The following CCDC188 variants were observed in gnomAD, a reference collection of about 807,000 sequenced individuals.
The protein encoded by CCDC188 is coiled-coil domain containing 188.
CCDC188 carries 37 observed loss-of-function variants against 50.7 expected under a neutral mutation model. That is an observed-to-expected ratio of 0.73 (90% CI 0.56 to 0.96). The LOEUF is 0.96. CCDC188 is among the 40% of genes least tolerant of loss of function. The probability of loss-of-function intolerance (pLI) is 0.00; values close to 1 mark genes in which losing one functional copy is unlikely to be tolerated. For missense variants in CCDC188, 453 were observed against 512.9 expected (o/e 0.88, Z 1.13); for synonymous variants, 208 against 228.0 (o/e 0.91, Z 0.79).
chr22:20,150,513 A>G lies in CCDC188; in HGVS notation c.474T>C (p.Ser158=). ...LSQLQCGLLG[S]AEQSFLQLEQ... Reference sequence around the variant, plus strand: ...CCAGCTGCAGGAAGGACTGTTCTGCAGAGCCCAGCAGCCCGCACTGAAGCT... The same window carrying G: ...CCAGCTGCAGGAAGGACTGTTCTGCGGAGCCCAGCAGCCCGCACTGAAGCT... The change falls in exon 1 of 9, where the codon TCT becomes TCC. Residue 158 remains serine, a synonymous_variant. Transcript: ENST00000439765. 1 of 1,548,984 alleles carries G rather than the reference A, an allele frequency of 6.5e-7. No homozygotes were observed. Among genetic ancestry groups the G allele is most frequent in the Non-Finnish European group, 8.7e-7 (1 of 1,146,644 alleles).
At position 20,150,450 on chromosome 22, in the gene CCDC188, G is replaced by C; in HGVS notation, c.519+18C>G. The stretch of plus-strand genomic sequence containing the variant: ...GTGGGGCTGGGGCTGGGGCTGGGGC[G>C]GTGGGTGGGGTGCTCACCAGGCTGT... On this transcript the variant is annotated intron_variant, in intron 1 of 8. Transcript: ENST00000439765. 1 of 1,281,912 alleles carries C rather than the reference G, an allele frequency of 7.8e-7. No homozygotes were observed. Among genetic ancestry groups the C allele is most frequent in the South Asian group, 1.4e-5 (1 of 71,692 alleles). 79.4% of individuals were successfully genotyped at this position (1,281,912 alleles called of 1,614,324 possible).
chr22:20,149,120 C>T lies in CCDC188; in HGVS notation c.972+67G>A, dbSNP rs1602583143. The T allele has an allele frequency of 2.2e-6, 3 of 1,356,868 alleles. No individual in the cohort carries two copies. In the East Asian group the frequency reaches 7.6e-5, roughly 34 times the overall value. 84.1% of individuals were successfully genotyped at this position (1,356,868 alleles called of 1,614,324 possible). ...GCCCTCCTGGAGCCCATTTCTCCCT[C>T]TCGCCCAAGCAGGGCCCTGGGTGGG... On this transcript the variant is annotated intron_variant, in intron 7 of 8. Transcript: ENST00000439765.
In CCDC188 at chr22:20,149,404, C is replaced by T. The variant is rs1461000068; in HGVS notation, c.914+8G>A. 72 of 1,550,058 alleles carry T rather than the reference C, an allele frequency of 4.6e-5. No homozygotes were observed. The highest frequency in any genetic ancestry group is 3.3e-4 in the Middle Eastern group (2 of 6,016). ...GCTCAGCTGGCCCGGCCCCTGCCCC[C>T]GTGTTACCTGAGAATCTCCAGCTGG... On this transcript the variant is annotated splice_region_variant and intron_variant, in intron 6 of 8. Transcript: ENST00000439765.
At chr22:20,148,977 A>G (rs1313365223) in intron 7 of CCDC188, 53 bp from the exon 8 acceptor site, 5 of 1,441,390 alleles carry the variant, frequency 3.5e-6, no homozygotes, top group Non-Finnish European at 4.6e-6. Flanking sequence ...GGCTGAGGGC[A>G]GGGATCCCTG....
rs1468439768 is a variant in CCDC188, at chr22:20,150,747, GGACAGAAA to G, written c.232_239del (p.Phe78GlnfsTer10). The G allele has an allele frequency of 6.5e-7, 1 of 1,550,100 alleles. No individual in the cohort carries two copies. The highest frequency in any genetic ancestry group is 2.4e-5 in the East Asian group (1 of 40,926). On this transcript the variant is annotated frameshift_variant, in exon 1 of 9. Coordinates refer to ENST00000439765, the MANE Select transcript of CCDC188 (RefSeq NM_001365892.2). LOFTEE classifies it high-confidence loss of function. ...TGTCTCTCGCTCTCTGCTCCTGGCTGGACAGAAAGAGCCCGGGAGCCTCGCCCTCCACT... is the reference window on the plus strand; with the variant it reads ...TGTCTCTCGCTCTCTGCTCCTGGCTGGAGCCCGGGAGCCTCGCCCTCCACT...
Position 20,149,998 on chromosome 22 carries a change from C to T in CCDC188, c.689G>A (p.Arg230Gln), listed in dbSNP as rs755280015. The change falls in exon 3 of 9, where the codon CGG (arginine) becomes CAG (glutamine). Residue 230 changes from arginine (R) to glutamine (Q), a missense_variant. Transcript: ENST00000439765. ...AGCCTCTTGCCCCTGGCACAGCTCC[C>T]GCCGCAGCAGCTGCAGAGGTGCCCT... The part of the protein sequence containing the change: ...GNRAPLQLLR[R>Q]ELCQGQEAFV... 3.7e-5 allele frequency: 58 copies of T among 1,548,242 alleles called. 1 individual carries two copies. In the Middle Eastern group the frequency reaches 2.3e-3, roughly 62 times the overall value.
At chr22:20,150,339 G>GGGGGGC (rs2050602027) in intron 1 of CCDC188, 89 bp from the exon 2 acceptor site, 2 of 967,902 alleles carry the variant, frequency 2.1e-6, no homozygotes, top group African/African-American at 1.7e-5. Flanking sequence ...CAGGTGGTGG[G>GGGGGGC]TGGGGCTGGG....
intron 3 of CCDC188, 23 bp from the exon 4 acceptor site, chr22:20,149,803 G>T (rs1294682336): frequency 2.0e-6 from 3 of 1,494,674 alleles, no homozygotes; most frequent in Non-Finnish European, 2.7e-6. Context: ...CCCAGGATGG[G>T]CTTGGGCAGC....
Position 20,150,632 on chromosome 22 carries a change from C to A in CCDC188, c.355G>T (p.Gly119Trp). 6.5e-7 allele frequency: 1 copy of A among 1,543,522 alleles called. No homozygotes were observed. Among genetic ancestry groups the A allele is most frequent in the Non-Finnish European group, 8.8e-7 (1 of 1,141,868 alleles). ...CTGGTCCCTGAGCCAATGGATCCCCCCTGCCTGGGAGCCCCCTGGTTCGAC... is the reference window on the plus strand; with the variant it reads ...CTGGTCCCTGAGCCAATGGATCCCCACTGCCTGGGAGCCCCCTGGTTCGAC... The part of the protein sequence containing the change: ...PGSNQGAPRQ[G>W]GSIGSGTRPC... The change falls in exon 1 of 9, where the codon GGG (glycine) becomes TGG (tryptophan). Residue 119 changes from glycine (G) to tryptophan (W), a missense_variant. Transcript: ENST00000439765.
intron 6 of CCDC188, 36 bp from the exon 7 acceptor site, chr22:20,149,280 C>T (rs995709526): frequency 1.3e-6 from 2 of 1,527,356 alleles, no homozygotes; most frequent in Non-Finnish European, 1.8e-6. Context: ...CCACACCCTC[C>T]ACCCCCAGCC....
rs2050565669 is a variant in CCDC188 at position 20,148,908 on chromosome 22, A to G, written c.989T>C (p.Leu330Pro). Residue 330 changes from leucine to proline, a missense_variant, in exon 8 of 9, where the codon CTG (leucine) becomes CCG (proline). Leu to Pro is a moderately conservative substitution (Grantham distance 98). Coordinates refer to ENST00000439765, the MANE Select transcript of CCDC188 (RefSeq NM_001365892.2). ...GCCTGCCAGGCCCTTGGAGCTTCCC[A>G]GCTTTGGCCTCCCTTTCTGTCGGGG... ...MASMSKGRPK[L>P]GSSKGLAGQL... The G allele has an allele frequency of 3.3e-6, 5 of 1,514,646 alleles. No homozygotes were observed. Among genetic ancestry groups the G allele is most frequent in the Non-Finnish European group, 3.5e-6 (4 of 1,128,702 alleles). The allele number at this position is 1,514,646 out of a possible 1,614,324, so 93.8% of individuals were successfully genotyped here.
In CCDC188 at chr22:20,150,297, T is replaced by TGGG. The variant is rs2050600966; in HGVS notation, c.520-48_520-47insCCC. ...GGGGGCTGCCTGTCATGGCCGCTCC[T>TGGG]GCGGCTGGGGCTGGGGCAGGGGCAG... On this transcript the variant is annotated intron_variant, in intron 1 of 8. Transcript: ENST00000439765. 8.5e-6 allele frequency: 9 copies of TGGG among 1,064,230 alleles called. 1 individual carries two copies. The highest frequency in any genetic ancestry group is 1.5e-5 in the South Asian group (1 of 67,146). 65.9% of individuals were successfully genotyped at this position (1,064,230 alleles called of 1,614,324 possible). A position where few individuals can be genotyped will look rare whatever the true frequency, so the allele number is the denominator to read the frequency against.
rs1335417904 is a variant in CCDC188, at chr22:20,149,188, G to A, written c.971C>T (p.Ser324Leu). The A allele has an allele frequency of 4.1e-6, 6 of 1,467,336 alleles. No homozygotes were observed. Among genetic ancestry groups the A allele is most frequent in the South Asian group, 2.9e-5 (2 of 70,170 alleles). 90.9% of individuals were successfully genotyped at this position (1,467,336 alleles called of 1,614,324 possible). A position where few individuals can be genotyped will look rare whatever the true frequency, so the allele number is the denominator to read the frequency against. ...ARKEKQMASM[S>L]KGRPKLGSSK... ...CAGAGTGGGGCGTGGGGGGCTCACC[G>A]ACATGCTTGCCATCTGCTTCTCCTT... The change falls in exon 7 of 9, where the codon TCG becomes TTG. Residue 324 changes from serine (S) to leucine (L), a missense_variant and splice_region_variant. Physicochemically the swap from Ser to Leu is moderately radical, Grantham distance 145 (BLOSUM62 -2). Transcript: ENST00000439765.
chr22:20,149,857 A>G (rs878890584), intron 3 of CCDC188, 77 bp from the exon 4 acceptor site: 456 of 1,484,202 alleles, frequency 3.1e-4, no homozygotes, highest in Non-Finnish European at 3.8e-4. Flanking sequence ...CCACTGGCCT[A>G]CTGCACGAAG....
Position 20,149,720 on chromosome 22 carries a change from G to A in CCDC188, c.789+4C>T. 1 of 1,537,016 alleles carries A rather than the reference G, an allele frequency of 6.5e-7. No homozygotes were observed. The highest frequency in any genetic ancestry group is 8.8e-7 in the Non-Finnish European group (1 of 1,139,340). On this transcript the variant is annotated splice_donor_region_variant and intron_variant, in intron 4 of 8. Transcript: ENST00000439765. ...GCACCCCTCCCCCTCAGCCAGGCGG[G>A]CACCTCTGTGATGACCATCTTCTTC...
At chr22:20,148,836 G>T in intron 8 of CCDC188, 36 bp from the exon 9 acceptor site, 1 of 1,461,062 alleles carries the variant, frequency 6.8e-7, no homozygotes, top group Non-Finnish European at 9.1e-7. Context: ...GGGGCGCGCG[G>T]GGGGCCTGGG....
chr22:20,150,917 T>G lies in CCDC188; in HGVS notation c.70A>C (p.Ser24Arg). The G allele has an allele frequency of 2.5e-6, 3 of 1,211,420 alleles. No homozygotes were observed. The highest frequency in any genetic ancestry group is 3.3e-5 in the Admixed American group (1 of 30,714). The allele number at this position is 1,211,420 out of a possible 1,614,324, so 75.0% of individuals were successfully genotyped here. Residue 24 changes from serine to arginine, a missense_variant, in exon 1 of 9, where the codon AGC becomes CGC. Transcript: ENST00000439765. ...HPQCPPTPAS[S>R]SHGGGLDQPC... ...TGGTCCAGGCCTCCTCCATGGCTGC[T>G]GGAGGCTGGGGTTGGGGGACACTGG...
chr22:20,150,456 TGG>T lies in CCDC188; in HGVS notation c.519+10_519+11del. ...CTGGGGCTGGGGCTGGGGCGGTGGG[TGG>T]GGTGCTCACCAGGCTGTGGTTCTCC... is the stretch of plus-strand genomic sequence containing the variant. On this transcript the variant is annotated intron_variant, in intron 1 of 8. Transcript: ENST00000439765. The T allele has an allele frequency of 5.4e-6, 5 of 918,744 alleles. No homozygotes were observed. Among genetic ancestry groups the T allele is most frequent in the Non-Finnish European group, 6.6e-6 (5 of 753,522 alleles). 56.9% of individuals were successfully genotyped at this position (918,744 alleles called of 1,614,324 possible). A position where few individuals can be genotyped will look rare whatever the true frequency, so the allele number is the denominator to read the frequency against.
Position 20,148,670 on chromosome 22 carries a change from G to A in CCDC188, c.1153C>T (p.Arg385Trp), listed in dbSNP as rs553540909. ...CGCAGGAAGGGGTCCAGCAGGGCCC[G>A]GAGCTTCCAGACGGTGGCACGGCTC... The part of the protein sequence containing the change: ...LLSRATVWKL[R>W]ALLDPFLRLK... Residue 385 changes from arginine to tryptophan, a missense_variant, in exon 9 of 9, where the codon CGG (arginine) becomes TGG (tryptophan). By Grantham distance (101) the Arg-to-Trp change is moderately radical. Coordinates refer to ENST00000439765, the MANE Select transcript of CCDC188 (RefSeq NM_001365892.2). 1.4e-5 allele frequency: 22 copies of A among 1,546,830 alleles called. No homozygotes were observed. The highest frequency in any genetic ancestry group is 3.9e-5 in the Admixed American group (2 of 50,672).
Sources: allele counts gnomAD v4.1 joint callset, GRCh38; gene constraint gnomAD v4.1.1; transcripts MANE v1.5; gene names NCBI Gene and HGNC (gene_info 2026-07-23, HGNC 2026-07-21).